SUN1: variants seen among roughly 807,000 people sequenced by gnomAD.
The protein encoded by SUN1 is SUN domain-containing protein 1.
SUN1 carries 61 observed loss-of-function variants against 103.2 expected under a neutral mutation model. The observed-to-expected ratio is 0.59, with a 90% CI of 0.48 to 0.73. The LOEUF is 0.73. Ranked by LOEUF, SUN1 falls within the 30% of genes least tolerant of loss-of-function variation. The probability of loss-of-function intolerance (pLI) is 0.00; values close to 1 mark genes in which losing one functional copy is unlikely to be tolerated. For synonymous variants in SUN1, 490 were observed against 425.7 expected, an observed-to-expected ratio of 1.15 and a Z score of -1.86; for missense variants, 1,052 against 1,034.6, an observed-to-expected ratio of 1.02 and a Z score of -0.23.
At chr7:847,948 G>C (rs1393094144) in intron 5 of SUN1, among the ~76,000 whole-genome samples, 1 of 150,172 alleles carries the variant, frequency 6.7e-6, no homozygotes, top group East Asian at 2.0e-4. Context: ...TCCCCTGGGG[G>C]TTACCCCGCA....
chr7:874,789 A>G lies in SUN1; in HGVS notation c.*1458A>G, dbSNP rs766718232. Reference sequence around the variant, plus strand: ...TGCAAGATAGGACTTTGTGCAATGTATTTTTGTAAATGCTTTTCAAAATAT... The same window carrying G: ...TGCAAGATAGGACTTTGTGCAATGTGTTTTTGTAAATGCTTTTCAAAATAT... On this transcript the variant is annotated 3_prime_UTR_variant, in exon 19 of 19. Coordinates refer to ENST00000401592, the MANE Select transcript of SUN1 (RefSeq NM_001130965.3). 6.6e-6 allele frequency: 1 copy of G among 152,260 alleles called. No homozygotes were observed. The highest frequency in any genetic ancestry group is 1.5e-5 in the Non-Finnish European group (1 of 68,040). 9.4% of individuals were successfully genotyped at this position (152,260 alleles called of 1,614,324 possible).
In SUN1 at chr7:866,061, C is replaced by T. The variant is rs1438589978; in HGVS notation, c.1974C>T (p.Val658=). Residue 658 remains valine, a synonymous_variant, in exon 16 of 19, where the codon GTC becomes GTT. Coordinates refer to ENST00000401592, the MANE Select transcript of SUN1 (RefSeq NM_001130965.3). ...ACTTCTCGCAGTCCCCGCGCGTGGT[C>T]ATCCAGGTGAGTGGCCGCCGGTGGC... ...LWYFSQSPRV[V]IQPDIYPGNC... 2 of 1,613,972 alleles carry T rather than the reference C, an allele frequency of 1.2e-6. No individual in the cohort carries two copies. Among genetic ancestry groups the T allele is most frequent in the Non-Finnish European group, 1.7e-6 (2 of 1,179,950 alleles).
chr7:860,349 G>T lies in SUN1; in HGVS notation c.1746G>T (p.Val582=). 1 of 1,614,144 alleles carries T rather than the reference G, an allele frequency of 6.2e-7. No individual in the cohort carries two copies. Among genetic ancestry groups the T allele is most frequent in the South Asian group, 1.1e-5 (1 of 91,082 alleles). The change falls in exon 14 of 19, where the codon GTG becomes GTT. Residue 582 remains valine (V), a synonymous_variant. Transcript: ENST00000401592. ...CCTCAGAAGCCGTGGTGTCTGCTGT[G>T]AGCGAGGCGGGGGCGTCTGGAATAA... ...LPTSEAVVSA[V]SEAGASGITE...
Position 843,376 on chromosome 7 carries a change from G to A in SUN1, c.514G>A (p.Val172Met), listed in dbSNP as rs201010641. 3.7e-6 allele frequency: 6 copies of A among 1,609,648 alleles called. No homozygotes were observed. The Admixed American group carries it at 5.0e-5, about 14-fold the overall frequency. ...AGCTGCCATTCAGGGAAACGGGGAT[G>A]TGGGAGCCGCCGCCGCCACCGCGCA... ...NKAAIQGNGD[V>M]GAAAATAHNG... is the part of the protein sequence containing the mutation. Residue 172 changes from valine (V) to methionine (M), a missense_variant, in exon 5 of 19, where the codon GTG (valine) becomes ATG (methionine). This residue lies in a region of SUN1 where 846 missense variants were observed against 774.5 expected (regional missense o/e 1.09). Transcript: ENST00000401592.
At chr7:832,446 G>C (rs1223926370), upstream of SUN1, 17 of 1,432,570 alleles carry the variant, frequency 1.2e-5, no homozygotes, top group Non-Finnish European at 1.4e-5. Context: ...ACTGAGACAG[G>C]AATGCGCTCG....
intron 5 of SUN1, 91 bp from the exon 6 acceptor site, chr7:851,293 A>C (rs1370069156): frequency 9.2e-7 from 1 of 1,091,292 alleles, no homozygotes; most frequent in Non-Finnish European, 1.3e-6. Context: ...GGCTTTGGTG[A>C]AGTGTGTGGC....
Position 857,360 on chromosome 7 carries a change from T to G in SUN1, c.1395-468T>G, listed in dbSNP as rs369101258. Reference sequence around the variant, plus strand: ...ACGTGTTAATATGTCAATCCTAAAGTGTTGATCTGGGAATGGGCTTTTTGA... The same window carrying G: ...ACGTGTTAATATGTCAATCCTAAAGGGTTGATCTGGGAATGGGCTTTTTGA... On this transcript the variant is annotated intron_variant, in intron 12 of 18. Transcript: ENST00000401592. 2.6e-5 allele frequency among the ~76,000 whole-genome samples: 4 copies of G among 152,262 alleles called. No individual in the cohort carries two copies. In the East Asian group the frequency reaches 7.7e-4, roughly 29 times the overall value.
rs76073621 is a variant in SUN1, at chr7:838,834, G to A, written c.114G>A (p.Thr38=). 9,613 of 1,566,222 alleles carry A rather than the reference G, an allele frequency of 6.1e-3. 543 individuals are homozygous for A. In the East Asian group the frequency reaches 0.15, roughly 25 times the overall value. ...SYSSDALDFE[T]EHKLDPVFDS... Reference sequence around the variant, plus strand: ...CTTCAGATGCTCTGGATTTTGAGACGGAGCACAAATTGGACCCTGTATTTG... The same window carrying A: ...CTTCAGATGCTCTGGATTTTGAGACAGAGCACAAATTGGACCCTGTATTTG... Residue 38 remains threonine, a synonymous_variant, in exon 2 of 19, where the codon ACG becomes ACA. Transcript: ENST00000401592.
At chr7:827,514 G>A (rs1793512785), upstream of SUN1, among the ~76,000 whole-genome samples, 1 of 144,370 alleles carries the variant, frequency 6.9e-6, no homozygotes, top group Non-Finnish European at 1.5e-5. Flanking sequence ...CTGTCCCCCA[G>A]GCTGGGGTGC....
intron 16 of SUN1, 145 bp downstream of exon 16, chr7:866,212 C>T: frequency 1.4e-6 from 1 of 696,496 alleles, no homozygotes; most frequent in Non-Finnish European, 2.5e-6. Context: ...AGCGTTCCCA[C>T]ACCGAGGAGT....
intron 1 of SUN1, among the ~76,000 whole-genome samples, chr7:819,269 CT>C (rs1783816995): frequency 6.7e-6 from 1 of 148,782 alleles, no homozygotes; most frequent in African/African-American, 2.5e-5. Context: ...TTAATAAATA[CT>C]TTCTCCCAGT....
intron 10 of SUN1, among the ~76,000 whole-genome samples, chr7:854,292 A>C (rs1477486234): frequency 6.6e-6 from 1 of 152,222 alleles, no homozygotes; most frequent in African/African-American, 2.4e-5. Flanking sequence ...CTTCCCTCCG[A>C]GGCGGTGCGC....
At chr7:871,521 G>A (rs531036058) in intron 17 of SUN1, among the ~76,000 whole-genome samples, 15 of 152,160 alleles carry the variant, frequency 9.9e-5, no homozygotes, top group African/African-American at 3.1e-4. Flanking sequence ...CCGAGTAGCC[G>A]GGACCACAGG....
At position 874,913 on chromosome 7, in the gene SUN1, A is replaced by C. The variant is rs1843499387; in HGVS notation, c.*1582A>C. 1 of 152,194 alleles carries C rather than the reference A, an allele frequency of 6.6e-6. No homozygotes were observed. Among genetic ancestry groups the C allele is most frequent in the South Asian group, 2.1e-4 (1 of 4,824 alleles). 9.4% of individuals were successfully genotyped at this position (152,194 alleles called of 1,614,324 possible). A position where few individuals can be genotyped will look rare whatever the true frequency, so the allele number is the denominator to read the frequency against. ...TAATTTTTAAAAGGGCATGGGATATAAACAGTCTATTTCTTTTCTCAGTTT... is the reference window on the plus strand; with the variant it reads ...TAATTTTTAAAAGGGCATGGGATATCAACAGTCTATTTCTTTTCTCAGTTT... On this transcript the variant is annotated 3_prime_UTR_variant, in exon 19 of 19. Coordinates refer to ENST00000401592, the MANE Select transcript of SUN1 (RefSeq NM_001130965.3).
chr7:853,464 C>T lies in SUN1; in HGVS notation c.1109C>T (p.Ala370Val). 1 of 1,614,042 alleles carries T rather than the reference C, an allele frequency of 6.2e-7. No homozygotes were observed. The highest frequency in any genetic ancestry group is 8.5e-7 in the Non-Finnish European group (1 of 1,180,046). Residue 370 changes from alanine (A) to valine (V), a missense_variant, in exon 10 of 19, where the codon GCC (alanine) becomes GTC (valine). This residue lies in a region of SUN1 where 846 missense variants were observed against 774.5 expected (regional missense o/e 1.09). Transcript: ENST00000401592. ...ATGAGTGGCGTGGAGCAGCAGGTGG[C>T]CTCTCTGTCTGGACAGTGCCACCAC... ...HWMSGVEQQV[A>V]SLSGQCHHHG...
At chr7:843,631 C>G in intron 5 of SUN1, 111 bp downstream of exon 5, 1 of 1,594,644 alleles carries the variant, frequency 6.3e-7, no homozygotes, top group South Asian at 1.1e-5. Flanking sequence ...TAAAATTATC[C>G]CTTGAAAGCA....
chr7:843,077 C>A, intron 3 of SUN1, 129 bp from the exon 4 acceptor site: 2 of 1,337,410 alleles, frequency 1.5e-6, no homozygotes, highest in Non-Finnish European at 1.0e-6. Context: ...AGGAAATAAA[C>A]TGTGACCAGT....
chr7:818,548 TTA>T (rs1783014180), intron 1 of SUN1, among the ~76,000 whole-genome samples: 1 of 152,216 alleles, frequency 6.6e-6, no homozygotes. Flanking sequence ...AATTCTTTGG[TTA>T]TATACCAAGG....
intron 15 of SUN1, among the ~76,000 whole-genome samples, chr7:862,789 A>G (rs1833184066): frequency 6.6e-6 from 1 of 152,210 alleles, no homozygotes. Flanking sequence ...AGTTAAAAAG[A>G]TAATTCAGTG....
Sources: allele counts gnomAD v4.1 joint callset (sites outside exome capture counted in the v4.1 genomes callset), GRCh38; gene constraint gnomAD v4.1.1; regional missense constraint gnomAD v4.1.1; transcripts MANE v1.5; gene names NCBI Gene and HGNC (gene_info 2026-07-23, HGNC 2026-07-21).